The following MYH13 variants were observed in gnomAD, a reference collection of about 807,000 sequenced individuals.
MYH13 encodes myosin heavy chain 13, also known as myosin-13.
Under a neutral mutation model 232.1 loss-of-function variants are expected in MYH13, and 177 were observed. That is an observed-to-expected ratio of 0.76 (90% CI 0.67 to 0.86). MYH13 has a LOEUF of 0.86. Among genes scored for constraint, MYH13 ranks in the 40% least tolerant of loss-of-function variants. The pLI, the probability that MYH13 is intolerant of heterozygous loss-of-function variation, is 0.00. For missense variants in MYH13, 2,246 were observed against 2,405.9 expected (o/e 0.93, Z 1.39); for synonymous variants, 884 against 923.5 (o/e 0.96, Z 0.78).
In MYH13 at chr17:10,361,994, C is replaced by CA. The variant is rs1355190839; in HGVS notation, c.505+123dup. On this transcript the variant is annotated intron_variant, in intron 5 of 40. Transcript: ENST00000252172. ...TGTTGTACCCTTTGCTTTTCATCCC[C>CA]AAATCATCTGACTCTCCGAAGATCC... 3.8e-6 allele frequency: 6 copies of CA among 1,576,034 alleles called. No individual in the cohort carries two copies. The African/African-American group carries it at 8.1e-5, about 21-fold the overall frequency.
rs753878993 is a variant in MYH13, at chr17:10,304,452, G to A, written c.5467-954C>T. ...ATTTGCTTAGATGCTCCCTTTTGTGGAGCCAGGTCGTTTGGCAAGGGCAGC... is the reference window on the plus strand; with the variant it reads ...ATTTGCTTAGATGCTCCCTTTTGTGAAGCCAGGTCGTTTGGCAAGGGCAGC... On this transcript the variant is annotated intron_variant, in intron 37 of 40. Transcript: ENST00000252172. This position sits in a 1 kb window ranked among gnomAD's most constrained non-coding sequence, Gnocchi z 5.3. 6.6e-5 allele frequency among the ~76,000 whole-genome samples: 10 copies of A among 152,222 alleles called. No homozygotes were observed. Among genetic ancestry groups the A allele is most frequent in the Non-Finnish European group, 1.5e-4 (10 of 68,042 alleles).
chr17:10,315,432 C>T (rs1056236829), intron 29 of MYH13, among the ~76,000 whole-genome samples: 1 of 152,174 alleles, frequency 6.6e-6, no homozygotes, highest in Admixed American at 6.5e-5. Context: ...GCTGGGATTA[C>T]GGGCACCTGC....
chr17:10,301,838 C>T, intron 39 of MYH13, 135 bp from the exon 40 acceptor site: 1 of 1,222,520 alleles, frequency 8.2e-7, no homozygotes. Context: ...GGCAGGGAAG[C>T]TTTCTCCAGC....
At chr17:10,313,100 T>G in intron 30 of MYH13, 58 bp downstream of exon 30, 1 of 1,610,850 alleles carries the variant, frequency 6.2e-7, no homozygotes. Context: ...TGAAGACTCC[T>G]GGTCCCTTGG....
rs1358288546 is a variant in MYH13 at position 10,327,887 on chromosome 17, G to A, written c.2670C>T (p.Asp890=). ...KMVSLLQEKN[D]LQLQVQSETE... ...TTACAGACTGGACCTGCAATTGGAG[G>A]TCATTCTTCTCCTGCAGGAGGGAGA... is the stretch of plus-strand genomic sequence containing the variant. Residue 890 remains aspartate (D), a synonymous_variant, in exon 22 of 41, where the codon GAC becomes GAT. Transcript: ENST00000252172. 6.2e-7 allele frequency: 1 copy of A among 1,613,262 alleles called. No individual in the cohort carries two copies. Among genetic ancestry groups the A allele is most frequent in the Non-Finnish European group, 8.5e-7 (1 of 1,179,702 alleles).
Position 10,355,828 on chromosome 17 carries a change from C to CTTTTTTTTTTT in MYH13, c.739-692_739-682dup, listed in dbSNP as rs61338527. Among the ~76,000 whole-genome samples, 7 of 66,814 alleles carry CTTTTTTTTTTT rather than the reference C, an allele frequency of 1.0e-4. 1 individual carries two copies. Among genetic ancestry groups the CTTTTTTTTTTT allele is most frequent in the Admixed American group, 2.0e-4 (1 of 4,910 alleles). The allele number at this position is 66,814 out of a possible 152,430, so 43.8% of individuals were successfully genotyped here. A position where few individuals can be genotyped will look rare whatever the true frequency, so the allele number is the denominator to read the frequency against. On this transcript the variant is annotated intron_variant, in intron 8 of 40. Transcript: ENST00000252172. ...TAACTGGTTGGATTGTTCTGTCTGACTTTTTTTTTTTTTTTTTTTTTTTTT... is the reference window on the plus strand; with the variant it reads ...TAACTGGTTGGATTGTTCTGTCTGACTTTTTTTTTTTTTTTTTTTTTTTTTTTTTTTTTTTT...
chr17:10,311,901 G>A lies in MYH13; in HGVS notation c.4531+10C>T. ...GGACATAGCACACACCAGTGGTGGAGACAGCTCACCTTGCAGATTTTTGTT... is the reference window on the plus strand; with the variant it reads ...GGACATAGCACACACCAGTGGTGGAAACAGCTCACCTTGCAGATTTTTGTT... On this transcript the variant is annotated intron_variant, in intron 32 of 40. Coordinates refer to ENST00000252172, the MANE Select transcript of MYH13 (RefSeq NM_003802.3). 6.2e-7 allele frequency: 1 copy of A among 1,613,864 alleles called. No homozygotes were observed. The highest frequency in any genetic ancestry group is 2.2e-5 in the East Asian group (1 of 44,868).
At chr17:10,338,826 G>A (rs901769659) in intron 18 of MYH13, among the ~76,000 whole-genome samples, 5 of 151,554 alleles carry the variant, frequency 3.3e-5, no homozygotes, top group Non-Finnish European at 5.9e-5. Flanking sequence ...TCGGCCTCCC[G>A]AATAGCTGGG....
Position 10,316,422 on chromosome 17 carries a change from T to C in MYH13, c.3739-397A>G, listed in dbSNP as rs548273852. On this transcript the variant is annotated intron_variant, in intron 27 of 40. Coordinates refer to ENST00000252172, the MANE Select transcript of MYH13 (RefSeq NM_003802.3). ...GTTGCAGTGAGCCGAGATCATGCCA[T>C]TGCACTCTAGCCTTGGCGGCAAGAG... Among the ~76,000 whole-genome samples, 106 of 152,136 alleles carry C rather than the reference T, an allele frequency of 7.0e-4. 1 individual carries two copies. The highest frequency in any genetic ancestry group is 2.4e-3 in the African/African-American group (98 of 41,520).
chr17:10,366,581 A>G (rs925786113), intron 2 of MYH13, among the ~76,000 whole-genome samples: 3 of 151,884 alleles, frequency 2.0e-5, no homozygotes, highest in Non-Finnish European at 4.4e-5. Flanking sequence ...GGGTTTTGCC[A>G]TGTTAGTCAG....
At chr17:10,301,029 T>C in intron 40 of MYH13, 64 bp from the exon 41 acceptor site, 1 of 1,441,036 alleles carries the variant, frequency 6.9e-7, no homozygotes, top group Non-Finnish European at 9.7e-7. Flanking sequence ...CTGAACATCA[T>C]CTTGAAGTGA....
At chr17:10,316,376 G>A (rs905948835) in intron 27 of MYH13, among the ~76,000 whole-genome samples, 3 of 151,992 alleles carry the variant, frequency 2.0e-5, no homozygotes, top group Admixed American at 6.6e-5. Context: ...CAGGAGAATC[G>A]CTTGAACTCG....
chr17:10,358,523 T>C (rs1861860108), intron 7 of MYH13, among the ~76,000 whole-genome samples: 1 of 152,060 alleles, frequency 6.6e-6, no homozygotes, highest in Admixed American at 6.6e-5. Context: ...TTTGGAAGGC[T>C]GAGGCAGGAG....
intron 21 of MYH13, among the ~76,000 whole-genome samples, 165 bp downstream of exon 21, chr17:10,330,222 C>T (rs79079816): frequency 0.013 from 1,962 of 152,170 alleles, 36 homozygotes; most frequent in African/African-American, 0.045. Context: ...GTCTCCCCAG[C>T]GCCATGCAGA....
At chr17:10,350,896 G>T in intron 11 of MYH13, 2 of 641,428 alleles carry the variant, frequency 3.1e-6, no homozygotes, top group Admixed American at 2.1e-5. Flanking sequence ...ATGGGAAAAA[G>T]ATGTGAATTG....
At chr17:10,348,825 A>G (rs912306537) in intron 12 of MYH13, among the ~76,000 whole-genome samples, 31 of 152,020 alleles carry the variant, frequency 2.0e-4, no homozygotes, top group African/African-American at 7.3e-4. Flanking sequence ...TAAACCATTC[A>G]TCCTGACACT....
intron 18 of MYH13, 102 bp downstream of exon 18, chr17:10,340,048 T>TACAG: frequency 1.0e-6 from 1 of 993,958 alleles, no homozygotes; most frequent in South Asian, 1.5e-5. Context: ...TCAGAAGTGA[T>TACAG]ACAGACCATC....
At chr17:10,316,110 T>G in intron 27 of MYH13, 85 bp from the exon 28 acceptor site, 1 of 1,466,992 alleles carries the variant, frequency 6.8e-7, no homozygotes, top group Non-Finnish European at 9.2e-7. Flanking sequence ...ATCATTTAGT[T>G]TCTTGTCAGG....
intron 24 of MYH13, 50 bp from the exon 25 acceptor site, chr17:10,320,546 G>A (rs1906904305): frequency 1.3e-6 from 2 of 1,575,276 alleles, no homozygotes; most frequent in Non-Finnish European, 8.6e-7. Context: ...GGAAGTGTTT[G>A]CCCCGTTTAT....
Sources: allele counts gnomAD v4.1 joint callset (sites outside exome capture counted in the v4.1 genomes callset), GRCh38; gene constraint gnomAD v4.1.1; non-coding constraint Gnocchi (gnomAD v3.1); transcripts MANE v1.5; gene names NCBI Gene and HGNC (gene_info 2026-07-23, HGNC 2026-07-21).